Variants in NELL1 observed in about 807,000 individuals in gnomAD.
The protein encoded by NELL1 is protein kinase C-binding protein NELL1.
A neutral mutation model predicts 107.4 loss-of-function variants in NELL1; 76 were observed. That is an observed-to-expected ratio of 0.71 (90% CI 0.59 to 0.86). NELL1 has a LOEUF of 0.86. Ranked by LOEUF, NELL1 falls within the 40% of genes least tolerant of loss-of-function variation. The pLI is 0.00. For synonymous variants in NELL1, 353 were observed against 341.2 expected, an observed-to-expected ratio of 1.03 and a Z score of -0.38; for missense variants, 1,024 against 1,005.5, an observed-to-expected ratio of 1.02 and a Z score of -0.25.
At chr11:21,223,339 T>C (rs981726835) in intron 13 of NELL1, among the ~76,000 whole-genome samples, 1 of 152,014 alleles carries the variant, frequency 6.6e-6, no homozygotes, top group African/African-American at 2.4e-5. Flanking sequence ...TTCTTTTTTC[T>C]TTTTTTTACT....
At position 21,371,581 on chromosome 11, in the gene NELL1, T is replaced by C. The variant is rs139767240; in HGVS notation, c.1645+633T>C. Among the ~76,000 whole-genome samples the C allele has an allele frequency of 7.2e-4, 110 of 152,204 alleles. 1 individual carries two copies. The highest frequency in any genetic ancestry group is 2.4e-3 in the African/African-American group (100 of 41,538). On this transcript the variant is annotated intron_variant, in intron 15 of 19. Coordinates refer to ENST00000357134, the MANE Select transcript of NELL1 (RefSeq NM_006157.5). ...GATTGGAGAAGCCCTCCTATTTGTG[T>C]ATAAGTGAAATTTGATGTTCAATGC...
Position 21,081,813 on chromosome 11 carries a change from T to G in NELL1, c.1301-31776T>G, listed in dbSNP as rs148309396. Among the ~76,000 whole-genome samples, 1,028 of 152,294 alleles carry G rather than the reference T, an allele frequency of 6.8e-3. 14 individuals are homozygous for G. Among genetic ancestry groups the G allele is most frequent in the African/African-American group, 0.023 (939 of 41,560 alleles). On this transcript the variant is annotated intron_variant, in intron 12 of 19. Coordinates refer to ENST00000357134, the MANE Select transcript of NELL1 (RefSeq NM_006157.5). ...AGTGATCTTCGTAAAAAGTATAAAT[T>G]AAATCATGTGAATACTAACTGTGTG...
At chr11:20,814,334 G>T (rs539757667) in intron 3 of NELL1, among the ~76,000 whole-genome samples, 1 of 152,298 alleles carries the variant, frequency 6.6e-6, no homozygotes, top group South Asian at 2.1e-4. Flanking sequence ...GTCTATATGT[G>T]CAGGTGTGCT....
At chr11:21,554,919 G>A (rs927206759) in intron 16 of NELL1, among the ~76,000 whole-genome samples, 18 of 151,844 alleles carry the variant, frequency 1.2e-4, no homozygotes, top group Admixed American at 2.6e-4. Context: ...ACTGGTATCC[G>A]CAGTTTCTGG....
At chr11:21,088,195 A>T (rs761507896) in intron 12 of NELL1, among the ~76,000 whole-genome samples, 20 of 152,046 alleles carry the variant, frequency 1.3e-4, no homozygotes, top group Non-Finnish European at 2.1e-4. Flanking sequence ...GACCACGACC[A>T]TACCCTCCGG....
At chr11:21,094,542 A>C (rs1005506216) in intron 12 of NELL1, among the ~76,000 whole-genome samples, 2 of 152,212 alleles carry the variant, frequency 1.3e-5, no homozygotes, top group South Asian at 4.1e-4. Context: ...GCTCTCCATG[A>C]GTGTCCTGCC....
chr11:21,127,444 T>C (rs760034201), intron 13 of NELL1, among the ~76,000 whole-genome samples: 3 of 151,640 alleles, frequency 2.0e-5, no homozygotes, highest in Non-Finnish European at 4.4e-5. Context: ...AAGAAAAAAA[T>C]TTAAAAAATT....
chr11:21,056,276 G>A (rs138135457), intron 12 of NELL1, among the ~76,000 whole-genome samples: 117 of 152,210 alleles, frequency 7.7e-4, no homozygotes, highest in Admixed American at 2.7e-3. Context: ...ATATGACATC[G>A]TATTATCCAT....
intron 13 of NELL1, among the ~76,000 whole-genome samples, chr11:21,189,164 T>C (rs925587086): frequency 6.6e-6 from 1 of 151,894 alleles, no homozygotes; most frequent in Non-Finnish European, 1.5e-5. Context: ...TTAATTATGA[T>C]ACAGTAATCC....
chr11:20,709,094 C>G (rs756921822), intron 2 of NELL1, among the ~76,000 whole-genome samples: 1 of 151,966 alleles, frequency 6.6e-6, no homozygotes, highest in Non-Finnish European at 1.5e-5. Context: ...CTGTGTGGCC[C>G]GGTTCCTGAC....
chr11:21,153,436 T>C (rs1856163538), intron 13 of NELL1, among the ~76,000 whole-genome samples: 1 of 152,128 alleles, frequency 6.6e-6, no homozygotes, highest in Non-Finnish European at 1.5e-5. Flanking sequence ...ATTTATTTCA[T>C]TAAATAAATT....
At chr11:21,527,173 A>G (rs990432525) in intron 15 of NELL1, among the ~76,000 whole-genome samples, 3 of 152,194 alleles carry the variant, frequency 2.0e-5, no homozygotes, top group Admixed American at 6.5e-5. Flanking sequence ...AAATGCTGCC[A>G]GTCTCTTTGT....
At chr11:21,400,216 C>T (rs577813138) in intron 15 of NELL1, among the ~76,000 whole-genome samples, 5 of 151,734 alleles carry the variant, frequency 3.3e-5, no homozygotes, top group Non-Finnish European at 1.5e-5. Context: ...GCGTTTCCTA[C>T]CCCATCCCCA....
At chr11:21,522,265 A>G (rs1292031984) in intron 15 of NELL1, among the ~76,000 whole-genome samples, 2 of 152,002 alleles carry the variant, frequency 1.3e-5, no homozygotes, top group East Asian at 3.9e-4. Context: ...ACCTGCAATC[A>G]TCTTTTAATT....
intron 11 of NELL1, among the ~76,000 whole-genome samples, chr11:20,952,374 A>AT (rs1338039094): frequency 3.9e-5 from 6 of 152,158 alleles, no homozygotes; most frequent in Non-Finnish European, 8.8e-5. Context: ...ACTGTTAAAG[A>AT]TTTTATGTCC....
intron 12 of NELL1, among the ~76,000 whole-genome samples, chr11:21,071,429 T>C (rs1488014556): frequency 1.3e-5 from 2 of 152,184 alleles, no homozygotes; most frequent in African/African-American, 4.8e-5. Flanking sequence ...ATAATAATAA[T>C]GGTAGTTGTT....
chr11:20,982,713 C>T (rs1313256175), intron 12 of NELL1, among the ~76,000 whole-genome samples: 1 of 152,128 alleles, frequency 6.6e-6, no homozygotes, highest in Non-Finnish European at 1.5e-5. Context: ...TCTCTCTCTC[C>T]TCATATTAAA....
At chr11:21,093,913 TA>T (rs1357613104) in intron 12 of NELL1, among the ~76,000 whole-genome samples, 2 of 152,016 alleles carry the variant, frequency 1.3e-5, no homozygotes, top group African/African-American at 4.8e-5. Context: ...TCCACCCCTG[TA>T]CCCTCCCAAA....
intron 3 of NELL1, among the ~76,000 whole-genome samples, chr11:20,835,379 A>T (rs1302562000): frequency 6.6e-6 from 1 of 152,164 alleles, no homozygotes; most frequent in African/African-American, 2.4e-5. Flanking sequence ...ATGATTTTCA[A>T]TCTTGCTTTC....
Sources: gnomAD v4.1 joint callset for allele counts (sites outside exome capture counted in the v4.1 genomes callset) on GRCh38, gnomAD v4.1.1 for gene constraint, MANE v1.5 for transcripts, NCBI Gene and HGNC (gene_info 2026-07-23, HGNC 2026-07-21) for gene names.